The following MAPK8IP3 variants were observed in gnomAD, a reference collection of about 807,000 sequenced individuals.
MAPK8IP3 encodes C-Jun-amino-terminal kinase-interacting protein 3.
In MAPK8IP3, 49 loss-of-function variants were observed where a neutral mutation model predicts 157.8. The observed-to-expected ratio is 0.31, with a 90% CI of 0.25 to 0.39. The LOEUF is 0.39. Among genes scored for constraint, MAPK8IP3 ranks in the 10% least tolerant of loss-of-function variants. MAPK8IP3 has a pLI of 1.00. For missense variants in MAPK8IP3, 1,478 were observed against 1,889.4 expected (o/e 0.78, Z 4.04); for synonymous variants, 897 against 777.7 (o/e 1.15, Z -2.55).
Position 1,764,374 on chromosome 16 carries a change from C to T in MAPK8IP3, c.2195C>T (p.Pro732Leu). ...GACGACGCTGGGAATGGAGTCAAGC[C>T]AGCGCCAGGCCGCGATCCCCTGACC... The part of the protein sequence containing the change: ...NEDDAGNGVK[P>L]APGRDPLTCD... Residue 732 changes from proline (P) to leucine (L), a missense_variant, in exon 19 of 32, where the codon CCA (proline) becomes CTA (leucine). Physicochemically the swap from Pro to Leu is moderately conservative, Grantham distance 98. Transcript: ENST00000610761. 1 of 1,590,242 alleles carries T rather than the reference C, an allele frequency of 6.3e-7. No individual in the cohort carries two copies. Among genetic ancestry groups the T allele is most frequent in the Non-Finnish European group, 8.5e-7 (1 of 1,169,900 alleles).
chr16:1,744,934 TTTTTG>T (rs1374656925), intron 5 of MAPK8IP3: 2 of 980,174 alleles, frequency 2.0e-6, no homozygotes, highest in South Asian at 4.7e-5. Flanking sequence ...TTTTTGTTGT[TTTTTG>T]TTTTGTTTTG....
chr16:1,762,587 C>A, intron 14 of MAPK8IP3, 88 bp from the exon 15 acceptor site: 1 of 1,556,380 alleles, frequency 6.4e-7, no homozygotes, highest in East Asian at 2.3e-5. Context: ...CTGAAGTGCG[C>A]TGGGTGCTTC....
Position 1,710,257 on chromosome 16 carries a change from G to A in MAPK8IP3, c.318+3600G>A, listed in dbSNP as rs1439320555. On this transcript the variant is annotated intron_variant, in intron 1 of 31. Coordinates refer to ENST00000610761, the MANE Select transcript of MAPK8IP3 (RefSeq NM_001318852.2). This position sits in a 1 kb window ranked among gnomAD's most constrained non-coding sequence, Gnocchi z 4.1. ...CTGACCTCCTCATCTCAGGTCAGGA[G>A]TTTGAGACCAGCCTGGCGAACCTGG... Among the ~76,000 whole-genome samples, 1 of 149,404 alleles carries A rather than the reference G, an allele frequency of 6.7e-6. No individual in the cohort carries two copies. The highest frequency in any genetic ancestry group is 1.5e-5 in the Non-Finnish European group (1 of 67,498).
chr16:1,733,837 T>C (rs971893787), intron 4 of MAPK8IP3, among the ~76,000 whole-genome samples: 1 of 152,212 alleles, frequency 6.6e-6, no homozygotes, highest in Non-Finnish European at 1.5e-5. Flanking sequence ...AAGGGATGGA[T>C]CTGGGGTGCT....
chr16:1,734,127 C>T (rs2039498130), intron 4 of MAPK8IP3, among the ~76,000 whole-genome samples: 1 of 152,254 alleles, frequency 6.6e-6, no homozygotes, highest in East Asian at 1.9e-4. Flanking sequence ...GCAGTGGGGT[C>T]TGCGCAGCTA....
intron 1 of MAPK8IP3, among the ~76,000 whole-genome samples, chr16:1,719,078 A>G (rs1258702088): frequency 6.6e-6 from 1 of 152,196 alleles, no homozygotes; most frequent in African/African-American, 2.4e-5. Context: ...GTCTCAAGCA[A>G]TCTTCCTGCC....
At chr16:1,764,567 G>A (rs1473067378) in intron 19 of MAPK8IP3, 108 bp downstream of exon 19, 66 of 1,438,324 alleles carry the variant, frequency 4.6e-5, no homozygotes, top group Non-Finnish European at 6.0e-5. Context: ...ACAGCACCCG[G>A]AAGCAGGGCA....
chr16:1,749,639 A>C (rs1330151331), intron 8 of MAPK8IP3, among the ~76,000 whole-genome samples: 1 of 152,242 alleles, frequency 6.6e-6, no homozygotes, highest in African/African-American at 2.4e-5. Flanking sequence ...CCAGGCTTTC[A>C]GGCATGACAG....
At chr16:1,717,934 C>T (rs2038262044) in intron 1 of MAPK8IP3, among the ~76,000 whole-genome samples, 1 of 152,028 alleles carries the variant, frequency 6.6e-6, no homozygotes, top group Non-Finnish European at 1.5e-5. Context: ...TCACTGCAAG[C>T]TCCGCCTCCC....
At chr16:1,764,588 T>C in intron 19 of MAPK8IP3, 129 bp downstream of exon 19, 1 of 1,275,828 alleles carries the variant, frequency 7.8e-7, no homozygotes, top group Non-Finnish European at 1.1e-6. Flanking sequence ...GCGCAGGGGC[T>C]CCTAGACTGC....
intron 1 of MAPK8IP3, among the ~76,000 whole-genome samples, chr16:1,712,380 T>G (rs1256892783): frequency 6.6e-6 from 1 of 152,042 alleles, no homozygotes; most frequent in Non-Finnish European, 1.5e-5. Flanking sequence ...AGTTCTTTAA[T>G]GTCCCCACTT....
At chr16:1,714,726 C>G (rs2142288446) in intron 1 of MAPK8IP3, among the ~76,000 whole-genome samples, 1 of 152,234 alleles carries the variant, frequency 6.6e-6, no homozygotes, top group South Asian at 2.1e-4. Flanking sequence ...TCTCTATGTC[C>G]CTGCCTCGGG....
chr16:1,721,326 A>T (rs1410067607), intron 1 of MAPK8IP3, among the ~76,000 whole-genome samples: 2 of 147,992 alleles, frequency 1.4e-5, no homozygotes, highest in Non-Finnish European at 3.0e-5. Flanking sequence ...AAAAAAAAAA[A>T]TCCTTTGCTC....
At position 1,717,251 on chromosome 16, in the gene MAPK8IP3, A is replaced by AAAAG. The variant is rs1555442853; in HGVS notation, c.319-7294_319-7291dup. Among the ~76,000 whole-genome samples the AAAAG allele has an allele frequency of 1.5e-3, 217 of 147,828 alleles. 2 individuals carry two copies. Among genetic ancestry groups the AAAAG allele is most frequent in the Middle Eastern group, 3.5e-3 (1 of 286 alleles). Reference sequence around the variant, plus strand: ...ACTCCATCTCAAAAAAAAAAAAAAAAAAAGAAAGAAAGAAATTCACCAAAA... The same window carrying AAAAG: ...ACTCCATCTCAAAAAAAAAAAAAAAAAAAGAAAGAAAGAAAGAAATTCACCAAAA... On this transcript the variant is annotated intron_variant, in intron 1 of 31. Transcript: ENST00000610761.
At chr16:1,730,654 T>G (rs777257714) in intron 4 of MAPK8IP3, among the ~76,000 whole-genome samples, 2 of 151,972 alleles carry the variant, frequency 1.3e-5, no homozygotes, top group Non-Finnish European at 2.9e-5. Context: ...CCATCCTGGC[T>G]AACATGTTGA....
rs116177914 is a variant in MAPK8IP3, at chr16:1,724,146, C to G, written c.319-411C>G. Among the ~76,000 whole-genome samples, 401 of 152,330 alleles carry G rather than the reference C, an allele frequency of 2.6e-3. No individual in the cohort carries two copies. Among genetic ancestry groups the G allele is most frequent in the African/African-American group, 9.2e-3 (384 of 41,578 alleles). ...AGTGTAAAAATGGAAACACAGGGCT[C>G]TATGTTCAAAAATTAGCAACATTTC... On this transcript the variant is annotated intron_variant, in intron 1 of 31. Transcript: ENST00000610761. The surrounding 1 kb of genome is among the most constrained non-coding windows in gnomAD (Gnocchi z 4.1).
intron 8 of MAPK8IP3, among the ~76,000 whole-genome samples, chr16:1,757,463 G>A (rs758094568): frequency 1.1e-4 from 17 of 152,126 alleles, no homozygotes; most frequent in African/African-American, 3.1e-4. Context: ...GAAGAGAACC[G>A]CGTCCTCACC....
At position 1,768,264 on chromosome 16, in the gene MAPK8IP3, G is replaced by A. The variant is rs774208114; in HGVS notation, c.3628G>A (p.Asp1210Asn). 17 of 1,612,016 alleles carry A rather than the reference G, an allele frequency of 1.1e-5. No individual in the cohort carries two copies. Among genetic ancestry groups the A allele is most frequent in the East Asian group, 2.2e-5 (1 of 44,886 alleles). The change falls in exon 30 of 32, where the codon GAT becomes AAT. Residue 1210 changes from aspartate (D) to asparagine (N), a missense_variant. Physicochemically the swap from Asp to Asn is conservative, Grantham distance 23. Transcript: ENST00000610761. The stretch of plus-strand genomic sequence containing the variant: ...CGGGGGCATCATCCACGTGTATGGC[G>A]ATGACAGCAGTGACAGGGCGGCCAG... ...RPGGIIHVYG[D>N]DSSDRAASSF...
At chr16:1,716,310 C>CTTTTTT (rs1195691751) in intron 1 of MAPK8IP3, among the ~76,000 whole-genome samples, 1 of 129,576 alleles carries the variant, frequency 7.7e-6, no homozygotes, top group Non-Finnish European at 1.7e-5. Context: ...CAGGTCATTT[C>CTTTTTT]TTTTTTTTTT....
Sources: gnomAD v4.1 joint callset for allele counts (sites outside exome capture counted in the v4.1 genomes callset) on GRCh38, gnomAD v4.1.1 for gene constraint, Gnocchi (gnomAD v3.1) non-coding constraint, MANE v1.5 for transcripts, NCBI Gene and HGNC (gene_info 2026-07-23, HGNC 2026-07-21) for gene names.